Variants in RSU1 observed in about 807,000 individuals in gnomAD.
RSU1 encodes rsu-1.
In RSU1, 26 loss-of-function variants were observed where a neutral mutation model predicts 31.1. That is an observed-to-expected ratio of 0.84 (90% CI 0.61 to 1.16). The LOEUF is 1.16. RSU1 is among the 50% of genes most tolerant of loss of function. The pLI is 0.00. For synonymous variants in RSU1, 164 were observed against 136.3 expected, an observed-to-expected ratio of 1.20 and a Z score of -1.41; for missense variants, 320 against 339.1, an observed-to-expected ratio of 0.94 and a Z score of 0.44.
At chr10:16,781,024 T>G (rs1021948911) in intron 3 of RSU1, among the ~76,000 whole-genome samples, 5 of 152,200 alleles carry the variant, frequency 3.3e-5, no homozygotes, top group African/African-American at 1.2e-4. Context: ...GTGACATCGC[T>G]TCAAGCTGTA....
At chr10:16,654,683 A>AC (rs1273696787) in intron 8 of RSU1, among the ~76,000 whole-genome samples, 29 of 150,980 alleles carry the variant, frequency 1.9e-4, no homozygotes, top group East Asian at 2.0e-4. Context: ...ACAAAAACAA[A>AC]AAAAAAAAAA....
chr10:16,611,163 C>A (rs1297775915), intron 8 of RSU1, among the ~76,000 whole-genome samples: 1 of 152,164 alleles, frequency 6.6e-6, no homozygotes, highest in Non-Finnish European at 1.5e-5. Flanking sequence ...TGGGTGCATT[C>A]ATGAGTTTGC....
intron 8 of RSU1, among the ~76,000 whole-genome samples, chr10:16,657,920 G>C (rs1301140807): frequency 2.0e-5 from 3 of 152,096 alleles, no homozygotes; most frequent in Non-Finnish European, 4.4e-5. Flanking sequence ...AAACTGGGAG[G>C]CGGAGGTTGC....
intron 8 of RSU1, among the ~76,000 whole-genome samples, chr10:16,674,271 C>A (rs1470581513): frequency 1.3e-5 from 2 of 152,048 alleles, no homozygotes; most frequent in African/African-American, 4.8e-5. Flanking sequence ...TTGGGAAAGG[C>A]TGCAGCCTTG....
At chr10:16,602,269 T>C (rs994549644) in intron 8 of RSU1, among the ~76,000 whole-genome samples, 5 of 152,230 alleles carry the variant, frequency 3.3e-5, no homozygotes, top group Non-Finnish European at 7.3e-5. Flanking sequence ...CCTTGGCATG[T>C]TACCTCAAAA....
chr10:16,720,278 T>C (rs1301445179), intron 7 of RSU1, among the ~76,000 whole-genome samples: 1 of 152,216 alleles, frequency 6.6e-6, no homozygotes, highest in East Asian at 1.9e-4. Context: ...ACAGAAAACA[T>C]AGAGTTTATT....
intron 8 of RSU1, among the ~76,000 whole-genome samples, chr10:16,666,435 A>T (rs1834989458): frequency 6.6e-6 from 1 of 152,224 alleles, no homozygotes; most frequent in Non-Finnish European, 1.5e-5. Flanking sequence ...TGATCTGAAG[A>T]TACTTACTTT....
chr10:16,694,092 C>T (rs1416949596), intron 8 of RSU1, among the ~76,000 whole-genome samples: 3 of 152,066 alleles, frequency 2.0e-5, no homozygotes, highest in Non-Finnish European at 2.9e-5. Context: ...AACAGAAGCA[C>T]GTGGAAGTGG....
At chr10:16,770,340 G>A (rs1377481628) in intron 3 of RSU1, among the ~76,000 whole-genome samples, 2 of 152,080 alleles carry the variant, frequency 1.3e-5, no homozygotes, top group East Asian at 1.9e-4. Flanking sequence ...GGTTACCACC[G>A]ACAGCCAGGT....
intron 8 of RSU1, among the ~76,000 whole-genome samples, chr10:16,686,492 G>A (rs992966077): frequency 6.6e-6 from 1 of 152,204 alleles, no homozygotes; most frequent in African/African-American, 2.4e-5. Context: ...AGCTCCTCTT[G>A]AAGAGAATGT....
At chr10:16,690,318 C>A (rs562186441) in intron 8 of RSU1, among the ~76,000 whole-genome samples, 2 of 152,170 alleles carry the variant, frequency 1.3e-5, no homozygotes, top group African/African-American at 4.8e-5. Flanking sequence ...TAAGCTTCAA[C>A]GACCCAACCA....
In RSU1 at chr10:16,752,920, T is replaced by C. The variant is rs1300207074; in HGVS notation, c.481A>G (p.Ile161Val). Residue 161 changes from isoleucine (I) to valine (V), a missense_variant and splice_region_variant, in exon 6 of 9, where the codon ATA (isoleucine) becomes GTA (valine). Physicochemically the swap from Ile to Val is conservative, Grantham distance 29 (BLOSUM62 3). Transcript: ENST00000345264. ...AAGAATTTAGATAAATTACTTACTA[T>C]CTGCAACTTTGTGAGCTTCCCAATA... ...PDIGKLTKLQ[I>V]LSLRDNDLIS... 3.1e-6 allele frequency: 5 copies of C among 1,613,138 alleles called. No homozygotes were observed. The highest frequency in any genetic ancestry group is 4.2e-6 in the Non-Finnish European group (5 of 1,179,072).
At chr10:16,739,961 C>G (rs1431999165) in intron 7 of RSU1, among the ~76,000 whole-genome samples, 1 of 152,050 alleles carries the variant, frequency 6.6e-6, no homozygotes, top group African/African-American at 2.4e-5. Context: ...CTAGAGGAAA[C>G]AGAAAATCTG....
intron 8 of RSU1, among the ~76,000 whole-genome samples, chr10:16,611,670 G>A (rs1833893572): frequency 6.6e-6 from 1 of 152,190 alleles, no homozygotes; most frequent in Non-Finnish European, 1.5e-5. Context: ...CCAGCTAATA[G>A]TGACAGTAAA....
chr10:16,716,778 A>T (rs1401851756), intron 7 of RSU1, among the ~76,000 whole-genome samples: 2 of 152,160 alleles, frequency 1.3e-5, no homozygotes, highest in African/African-American at 4.8e-5. Context: ...AGCGTTATTA[A>T]ATTTTAATTT....
At chr10:16,731,204 T>C (rs1836505158) in intron 7 of RSU1, among the ~76,000 whole-genome samples, 1 of 152,144 alleles carries the variant, frequency 6.6e-6, no homozygotes, top group South Asian at 2.1e-4. Context: ...CATTTTTATA[T>C]CAAGGTGGCT....
intron 8 of RSU1, among the ~76,000 whole-genome samples, chr10:16,616,157 CAAAAT>C (rs1833972119): frequency 6.6e-6 from 1 of 151,152 alleles, no homozygotes; most frequent in Non-Finnish European, 1.5e-5. Context: ...ATCAAATAGA[CAAAAT>C]AAAAAGGGGA....
chr10:16,756,264 C>T (rs1013765964), intron 4 of RSU1, among the ~76,000 whole-genome samples: 26 of 152,222 alleles, frequency 1.7e-4, no homozygotes, highest in African/African-American at 6.0e-4. Context: ...ATTGGCTGAA[C>T]AACAATGTGA....
intron 8 of RSU1, among the ~76,000 whole-genome samples, chr10:16,673,541 G>A (rs1334513508): frequency 3.9e-5 from 6 of 152,222 alleles, no homozygotes; most frequent in Non-Finnish European, 8.8e-5. Flanking sequence ...CTCAAATGGA[G>A]AAGCCCTGTC....
Sources: allele counts gnomAD v4.1 joint callset (sites outside exome capture counted in the v4.1 genomes callset), GRCh38; gene constraint gnomAD v4.1.1; transcripts MANE v1.5; gene names NCBI Gene and HGNC (gene_info 2026-07-23, HGNC 2026-07-21).